Variants in FXYD5 observed in about 807,000 individuals in gnomAD.
FXYD5 encodes FXYD domain-containing ion transport regulator 5.
In FXYD5, 21 loss-of-function variants were observed where a neutral mutation model predicts 25.7. The ratio of observed to expected loss-of-function variants is 0.82; its 90% confidence interval spans 0.58 to 1.18. The LOEUF (loss-of-function observed/expected upper bound fraction) is 1.18. FXYD5 is among the 50% of genes most tolerant of loss of function. The pLI is 0.00. For missense variants in FXYD5, 229 were observed against 227.7 expected (o/e 1.01, Z -0.04); for synonymous variants, 101 against 90.7 (o/e 1.11, Z -0.64).
chr19:35,158,449 G>T lies in FXYD5; in HGVS notation c.199+49G>T, dbSNP rs79003548. The T allele has an allele frequency of 4.5e-6, 5 of 1,113,438 alleles. No homozygotes were observed. The South Asian group carries it at 6.2e-5, about 14-fold the overall frequency. The allele number at this position is 1,113,438 out of a possible 1,614,324, so 69.0% of individuals were successfully genotyped here. A position where few individuals can be genotyped will look rare whatever the true frequency, so the allele number is the denominator to read the frequency against. On this transcript the variant is annotated intron_variant, in intron 4 of 8. Coordinates refer to ENST00000392219, the MANE Select transcript of FXYD5 (RefSeq NM_014164.6). ...CGGGGACAGGACCAAGACAAACAAA[G>T]TTTCCCCTCTTCCTCTGACACTATA... is the stretch of plus-strand genomic sequence containing the variant.
At chr19:35,163,916 T>C in intron 5 of FXYD5, 4 of 1,285,824 alleles carry the variant, frequency 3.1e-6, no homozygotes, top group Non-Finnish European at 4.1e-6. Context: ...GGGTCTGGAG[T>C]CCCTCGGGGA....
At chr19:35,155,666 C>T in intron 2 of FXYD5, 55 bp downstream of exon 2, 2 of 1,308,532 alleles carry the variant, frequency 1.5e-6, no homozygotes, top group South Asian at 1.2e-5. Context: ...CAGGCCAGCC[C>T]CACGTGTGCT....
intron 6 of FXYD5, among the ~76,000 whole-genome samples, chr19:35,164,697 A>AT (rs1260617870): frequency 1.3e-5 from 2 of 152,190 alleles, no homozygotes; most frequent in Admixed American, 1.3e-4. Context: ...TGATACGCCC[A>AT]TGGGTCACAT....
At chr19:35,163,960 T>C in intron 5 of FXYD5, 196 bp from the exon 6 acceptor site, 1 of 1,461,406 alleles carries the variant, frequency 6.8e-7, no homozygotes, top group Non-Finnish European at 9.1e-7. Context: ...ACCGGGGCTA[T>C]GTGCTTATTT....
intron 8 of FXYD5, among the ~76,000 whole-genome samples, chr19:35,167,683 G>A (rs1188399819): frequency 2.6e-5 from 4 of 152,152 alleles, no homozygotes; most frequent in Non-Finnish European, 5.9e-5. Flanking sequence ...AAGAAAATGA[G>A]CATAGCCACA....
rs1031837723 is a variant in FXYD5, at chr19:35,169,815, G to A, written c.*200G>A. On this transcript the variant is annotated 3_prime_UTR_variant, in exon 9 of 9. Coordinates refer to ENST00000392219, the MANE Select transcript of FXYD5 (RefSeq NM_014164.6). Reference sequence around the variant, plus strand: ...TGCCCGCCCCTGAAGGCTACCTGGCGCCTTGGGGGCTGTCCCTCAAGTTAT... The same window carrying A: ...TGCCCGCCCCTGAAGGCTACCTGGCACCTTGGGGGCTGTCCCTCAAGTTAT... The A allele has an allele frequency of 6.6e-5, 39 of 587,602 alleles. No homozygotes were observed. Among genetic ancestry groups the A allele is most frequent in the East Asian group, 2.8e-4 (10 of 35,242 alleles). The allele number at this position is 587,602 out of a possible 1,614,324, so 36.4% of individuals were successfully genotyped here. A position where few individuals can be genotyped will look rare whatever the true frequency, so the allele number is the denominator to read the frequency against.
At chr19:35,168,544 G>C (rs1226529193) in intron 8 of FXYD5, among the ~76,000 whole-genome samples, 1 of 152,202 alleles carries the variant, frequency 6.6e-6, no homozygotes. Flanking sequence ...GAGAGGAGAA[G>C]ACGAGGCCAG....
Position 35,160,190 on chromosome 19 carries a change from T to C in FXYD5, c.200-519T>C, listed in dbSNP as rs565235370. On this transcript the variant is annotated intron_variant, in intron 4 of 8. Coordinates refer to ENST00000392219, the MANE Select transcript of FXYD5 (RefSeq NM_014164.6). ...CACCACTGCACTCCAGCTCAGGTGA[T>C]AGAGTGAGACCCTGTCTCAAAAATA... 8.2e-4 allele frequency among the ~76,000 whole-genome samples: 125 copies of C among 152,256 alleles called. 1 individual carries two copies. The highest frequency in any genetic ancestry group is 2.8e-3 in the African/African-American group (115 of 41,544).
At chr19:35,166,370 G>A (rs1266309359) in intron 8 of FXYD5, 45 bp downstream of exon 8, 11 of 1,282,326 alleles carry the variant, frequency 8.6e-6, no homozygotes, top group Non-Finnish European at 1.2e-5. Context: ...ACCAGGAGGG[G>A]GACTTATGAC....
intron 2 of FXYD5, 37 bp from the exon 3 acceptor site, chr19:35,157,384 C>T: frequency 8.7e-7 from 1 of 1,154,090 alleles, no homozygotes; most frequent in Non-Finnish European, 1.3e-6. Context: ...GGAGGGGGAC[C>T]AGGCTCCCTC....
At chr19:35,162,483 G>A (rs1457801027) in intron 5 of FXYD5, among the ~76,000 whole-genome samples, 1 of 152,176 alleles carries the variant, frequency 6.6e-6, no homozygotes, top group Admixed American at 6.5e-5. Flanking sequence ...TGTCTGTCGA[G>A]GGCTCCCCTT....
chr19:35,162,662 G>A (rs1300332597), intron 5 of FXYD5, among the ~76,000 whole-genome samples: 1 of 152,076 alleles, frequency 6.6e-6, no homozygotes, highest in African/African-American at 2.4e-5. Context: ...CCTCCCAAAG[G>A]CCCTCGCTCC....
chr19:35,155,211 G>T (rs1218511956), intron 1 of FXYD5: 1 of 379,676 alleles, frequency 2.6e-6, no homozygotes, highest in African/African-American at 2.1e-5. Context: ...CCCTCCTTGC[G>T]TCAGTCCCAG....
At chr19:35,162,726 C>T (rs1039565104) in intron 5 of FXYD5, among the ~76,000 whole-genome samples, 1 of 152,144 alleles carries the variant, frequency 6.6e-6, no homozygotes, top group Admixed American at 6.5e-5. Context: ...TCTATAGTAC[C>T]TAGCTGTCAC....
Position 35,160,766 on chromosome 19 carries a change from T to G in FXYD5, c.257T>G (p.Val86Gly). 6.2e-7 allele frequency: 1 copy of G among 1,613,590 alleles called. No homozygotes were observed. Among genetic ancestry groups the G allele is most frequent in the Non-Finnish European group, 8.5e-7 (1 of 1,179,610 alleles). The change falls in exon 5 of 9, where the codon GTG becomes GGG. Residue 86 changes from valine to glycine, a missense_variant. Coordinates refer to ENST00000392219, the MANE Select transcript of FXYD5 (RefSeq NM_014164.6). ...CTGGAAGGAACGGATGGGCCTCTAG[T>G]GACAGATCCAGAGACACACAAGAGC... ...QQLEGTDGPL[V>G]TDPETHKSTK...
At chr19:35,168,166 C>T (rs1018947920) in intron 8 of FXYD5, among the ~76,000 whole-genome samples, 92 of 152,098 alleles carry the variant, frequency 6.0e-4, no homozygotes, top group African/African-American at 2.1e-3. Context: ...ATTTTTCCAA[C>T]AGCAAATATT....
chr19:35,158,158 G>A (rs190758139), intron 3 of FXYD5, among the ~76,000 whole-genome samples, 186 bp from the exon 4 acceptor site: 12 of 152,302 alleles, frequency 7.9e-5, no homozygotes, highest in Non-Finnish European at 1.5e-4. Flanking sequence ...GGGACGTAAG[G>A]TCCCAAAGAA....
chr19:35,158,404 A>T lies in FXYD5; in HGVS notation c.199+4A>T, dbSNP rs1236200525. The T allele has an allele frequency of 6.4e-7, 1 of 1,574,306 alleles. No individual in the cohort carries two copies. The highest frequency in any genetic ancestry group is 1.4e-5 in the African/African-American group (1 of 73,972). ...ACCCCAACCTGGCCTGCTGATGGTGAGTAGTGCAGGGGCAGGCGGCGGGGA... is the reference window on the plus strand; with the variant it reads ...ACCCCAACCTGGCCTGCTGATGGTGTGTAGTGCAGGGGCAGGCGGCGGGGA... On this transcript the variant is annotated splice_donor_region_variant and intron_variant, in intron 4 of 8. Transcript: ENST00000392219.
intron 5 of FXYD5, among the ~76,000 whole-genome samples, chr19:35,162,180 T>G (rs751968914): frequency 6.6e-6 from 1 of 152,192 alleles, no homozygotes; most frequent in Non-Finnish European, 1.5e-5. Context: ...GTGACAGAAA[T>G]TCATCAAGGA....
Sources: allele counts gnomAD v4.1 joint callset (sites outside exome capture counted in the v4.1 genomes callset), GRCh38; gene constraint gnomAD v4.1.1; transcripts MANE v1.5; gene names NCBI Gene and HGNC (gene_info 2026-07-23, HGNC 2026-07-21).